DUSP22: variants seen among roughly 807,000 people sequenced by gnomAD.
DUSP22 encodes dual specificity phosphatase 22.
In DUSP22, 24 loss-of-function variants were observed where a neutral mutation model predicts 24.5. The ratio of observed to expected loss-of-function variants is 0.98; its 90% CI spans 0.71 to 1.38. The LOEUF (loss-of-function observed/expected upper bound fraction) is 1.38, where lower values mean the gene tolerates loss of function less well. Among genes scored for constraint, DUSP22 ranks in the 40% most tolerant of loss-of-function variants. DUSP22 has a pLI of 0.00. For missense variants in DUSP22, 330 were observed against 269.2 expected (o/e 1.23, Z -1.58); for synonymous variants, 160 against 106.4 (o/e 1.50, Z -3.10).
chr6:347,550 C>T (rs371001440), intron 5 of DUSP22, among the ~76,000 whole-genome samples: 640 of 152,162 alleles, frequency 4.2e-3, no homozygotes, highest in African/African-American at 0.014. Context: ...TCCCACCCTG[C>T]GGACACAGTG....
Position 301,714 on chromosome 6 carries a change from G to A in DUSP22, c.22-2914G>A, listed in dbSNP as rs1266918883. ...AGAGAGAGGTGCCACAGCGGTGGGA[G>A]CCCTGGGTTTTCATTCGGGGTGACT... On this transcript the variant is annotated intron_variant, in intron 1 of 6. Transcript: ENST00000419235. Among the ~76,000 whole-genome samples the A allele has an allele frequency of 2.0e-5, 3 of 152,292 alleles. No homozygotes were observed. In the East Asian group the frequency reaches 5.8e-4, roughly 29 times the overall value.
chr6:342,295 A>G (rs1301852586), intron 4 of DUSP22, among the ~76,000 whole-genome samples: 11 of 152,306 alleles, frequency 7.2e-5, no homozygotes, highest in Admixed American at 2.0e-4. Flanking sequence ...CTTTCTGACC[A>G]GAAAGAGACC....
At chr6:299,102 T>G (rs1757468981) in intron 1 of DUSP22, among the ~76,000 whole-genome samples, 1 of 152,302 alleles carries the variant, frequency 6.6e-6, no homozygotes, top group African/African-American at 2.4e-5. Context: ...AATTCTGTGC[T>G]TATTACTTCA....
At chr6:306,562 A>T (rs1317962698) in intron 2 of DUSP22, among the ~76,000 whole-genome samples, 1 of 152,300 alleles carries the variant, frequency 6.6e-6, no homozygotes, top group African/African-American at 2.4e-5. Flanking sequence ...TTATTCTGAT[A>T]TTGGTATGAG....
intron 1 of DUSP22, among the ~76,000 whole-genome samples, chr6:294,777 T>C (rs1210985366): frequency 6.6e-6 from 1 of 152,300 alleles, no homozygotes; most frequent in Non-Finnish European, 1.5e-5. Flanking sequence ...GGTGTGTATG[T>C]GTGTGGGGGT....
At chr6:293,673 C>T (rs901048529) in intron 1 of DUSP22, among the ~76,000 whole-genome samples, 2 of 152,286 alleles carry the variant, frequency 1.3e-5, no homozygotes, top group African/African-American at 4.8e-5. Context: ...GAAAACCTAG[C>T]TAACTTTTCA....
chr6:302,914 G>A (rs961976427), intron 1 of DUSP22, among the ~76,000 whole-genome samples: 9 of 152,298 alleles, frequency 5.9e-5, no homozygotes, highest in East Asian at 1.9e-4. Flanking sequence ...ATTAGACATC[G>A]GGGTGGAGGA....
intron 1 of DUSP22, among the ~76,000 whole-genome samples, chr6:294,846 A>G (rs1275248449): frequency 6.6e-6 from 1 of 152,284 alleles, no homozygotes; most frequent in African/African-American, 2.4e-5. Flanking sequence ...TAAAATAGGC[A>G]ATTTCAGAAA....
chr6:344,372 A>T (rs1174342407), intron 4 of DUSP22, among the ~76,000 whole-genome samples: 1 of 152,286 alleles, frequency 6.6e-6, no homozygotes, highest in Non-Finnish European at 1.5e-5. Flanking sequence ...TGCAGCCTTA[A>T]CCTCCTGGGC....
rs759853591 is a variant in DUSP22 at position 350,865 on chromosome 6, G to C, written c.*1914G>C. ...AGTTCTGGGCCTTTCTCAGAAGACTGTAATGTACCTGAAGTTTCTGAAATA... is the reference window on the plus strand; with the variant it reads ...AGTTCTGGGCCTTTCTCAGAAGACTCTAATGTACCTGAAGTTTCTGAAATA... On this transcript the variant is annotated 3_prime_UTR_variant, in exon 7 of 7. Coordinates refer to ENST00000419235, the MANE Select transcript of DUSP22 (RefSeq NM_001286555.3). 10 of 1,614,130 alleles carry C rather than the reference G, an allele frequency of 6.2e-6. No individual in the cohort carries two copies. The highest frequency in any genetic ancestry group is 4.4e-5 in the South Asian group (4 of 91,086).
At chr6:297,460 T>C (rs1257113244) in intron 1 of DUSP22, among the ~76,000 whole-genome samples, 2 of 152,308 alleles carry the variant, frequency 1.3e-5, no homozygotes, top group African/African-American at 4.8e-5. Flanking sequence ...AAAGAGAATA[T>C]GTTCCCTCTA....
chr6:311,789 T>A, intron 2 of DUSP22, 91 bp from the exon 3 acceptor site: 2 of 1,346,900 alleles, frequency 1.5e-6, no homozygotes, highest in Non-Finnish European at 1.0e-6. Context: ...ATGCAAGTCA[T>A]TTTGTGGGTT....
At position 349,194 on chromosome 6, in the gene DUSP22, G is replaced by A. The variant is rs1356577135; in HGVS notation, c.*243G>A. ...GGATGTTGCCCAGTGGCTGTGCACT[G>A]CTCTGTGCACGTGCGTGTGTGTGAG... is the stretch of plus-strand genomic sequence containing the variant. On this transcript the variant is annotated 3_prime_UTR_variant, in exon 7 of 7. Coordinates refer to ENST00000419235, the MANE Select transcript of DUSP22 (RefSeq NM_001286555.3). The A allele has an allele frequency of 1.4e-6, 2 of 1,419,060 alleles. No homozygotes were observed. Among genetic ancestry groups the A allele is most frequent in the Non-Finnish European group, 1.8e-6 (2 of 1,090,126 alleles). 87.9% of individuals were successfully genotyped at this position (1,419,060 alleles called of 1,614,324 possible).
chr6:314,839 C>G (rs1212804085), intron 3 of DUSP22, among the ~76,000 whole-genome samples: 3 of 152,260 alleles, frequency 2.0e-5, no homozygotes, highest in African/African-American at 7.2e-5. Context: ...AACTAAGGAA[C>G]TTGTGACTTG....
intron 3 of DUSP22, among the ~76,000 whole-genome samples, chr6:330,153 C>T (rs796845082): frequency 2.9e-4 from 44 of 152,406 alleles, no homozygotes; most frequent in East Asian, 9.6e-4. Flanking sequence ...CTCACCATAC[C>T]GTCACTGCTG....
intron 1 of DUSP22, among the ~76,000 whole-genome samples, chr6:296,408 G>T (rs928327485): frequency 5.3e-5 from 8 of 152,302 alleles, no homozygotes; most frequent in Admixed American, 2.6e-4. Flanking sequence ...GAGTAGCAGA[G>T]CCTGGACTCA....
chr6:312,625 T>C (rs1376916614), intron 3 of DUSP22, among the ~76,000 whole-genome samples: 1 of 152,296 alleles, frequency 6.6e-6, no homozygotes, highest in African/African-American at 2.4e-5. Flanking sequence ...AATAATGCTG[T>C]GTGGTTGTGA....
chr6:313,472 G>T (rs1035659076), intron 3 of DUSP22, among the ~76,000 whole-genome samples: 2 of 152,308 alleles, frequency 1.3e-5, no homozygotes, highest in East Asian at 1.9e-4. Flanking sequence ...CCCGCTGATT[G>T]TGTAAAACCT....
intron 3 of DUSP22, chr6:319,858 T>C (rs1561661495): frequency 6.6e-6 from 1 of 152,402 alleles, no homozygotes; most frequent in Non-Finnish European, 1.5e-5. Context: ...GCAGCTTTCG[T>C]GTGTTGAGGC....
Sources: gnomAD v4.1 joint callset for allele counts (sites outside exome capture counted in the v4.1 genomes callset) on GRCh38, gnomAD v4.1.1 for gene constraint, MANE v1.5 for transcripts, NCBI Gene and HGNC (gene_info 2026-07-23, HGNC 2026-07-21) for gene names.